Variants in ADAMTS6 observed in about 807,000 individuals in gnomAD.
ADAMTS6 encodes ADAM metallopeptidase with thrombospondin type 1 motif 6.
ADAMTS6 carries 23 observed loss-of-function variants against 144.3 expected under a neutral mutation model. That is an observed-to-expected ratio of 0.16 (90% confidence interval 0.11 to 0.23). The LOEUF (loss-of-function observed/expected upper bound fraction) is 0.23. ADAMTS6 is among the 10% of genes least tolerant of loss of function. The probability of loss-of-function intolerance (pLI) is 1.00; values close to 1 mark genes in which losing one functional copy is unlikely to be tolerated. For missense variants in ADAMTS6, 999 were observed against 1,379.6 expected, an observed-to-expected ratio of 0.72 and a Z score of 4.37; for synonymous variants, 444 against 457.5, an observed-to-expected ratio of 0.97 and a Z score of 0.38.
intron 7 of ADAMTS6, among the ~76,000 whole-genome samples, chr5:65,340,385 C>A (rs1747708769): frequency 6.6e-6 from 1 of 152,058 alleles, no homozygotes; most frequent in Non-Finnish European, 1.5e-5. Context: ...GGAAATCTCA[C>A]ATCTGGAAAT....
intron 7 of ADAMTS6, among the ~76,000 whole-genome samples, chr5:65,446,073 T>C (rs1315313717): frequency 6.6e-6 from 1 of 152,196 alleles, no homozygotes; most frequent in African/African-American, 2.4e-5. Context: ...AAATATATTC[T>C]TTAAAAGCTA....
intron 20 of ADAMTS6, among the ~76,000 whole-genome samples, chr5:65,203,127 C>A (rs969477395): frequency 6.6e-6 from 1 of 152,152 alleles, no homozygotes; most frequent in East Asian, 1.9e-4. Context: ...TGTACCAGTG[C>A]GAGGTACATG....
chr5:65,458,987 C>T (rs974979593), intron 4 of ADAMTS6, among the ~76,000 whole-genome samples: 17 of 151,956 alleles, frequency 1.1e-4, no homozygotes, highest in African/African-American at 4.1e-4. Flanking sequence ...GTTCTTTTTG[C>T]TGTGCTATGT....
intron 11 of ADAMTS6, among the ~76,000 whole-genome samples, chr5:65,287,231 C>T (rs1381223038): frequency 6.6e-6 from 1 of 152,026 alleles, no homozygotes; most frequent in East Asian, 1.9e-4. Context: ...AACTTATGAC[C>T]CTAAAAAATG....
intron 9 of ADAMTS6, among the ~76,000 whole-genome samples, chr5:65,305,717 G>C (rs1434532481): frequency 6.6e-6 from 1 of 152,050 alleles, no homozygotes; most frequent in African/African-American, 2.4e-5. Flanking sequence ...TTTGTGGAGG[G>C]TTTTAGGAAC....
At chr5:65,245,465 A>G (rs1759546204) in intron 14 of ADAMTS6, among the ~76,000 whole-genome samples, 1 of 152,146 alleles carries the variant, frequency 6.6e-6, no homozygotes, top group South Asian at 2.1e-4. Flanking sequence ...CTGGGCTCTG[A>G]CAAAACTACC....
chr5:65,196,552 A>AAAAT (rs1755389941), intron 21 of ADAMTS6, among the ~76,000 whole-genome samples: 1 of 145,868 alleles, frequency 6.9e-6, no homozygotes, highest in East Asian at 2.0e-4. Context: ...AAAAAAAAAA[A>AAAAT]GAGGTCTTTA....
At chr5:65,412,589 A>G (rs1396749826) in intron 7 of ADAMTS6, among the ~76,000 whole-genome samples, 1 of 152,152 alleles carries the variant, frequency 6.6e-6, no homozygotes. Context: ...CACTGATAAC[A>G]TGTCACTACA....
At chr5:65,309,695 T>C (rs1032268645) in intron 9 of ADAMTS6, among the ~76,000 whole-genome samples, 1 of 152,212 alleles carries the variant, frequency 6.6e-6, no homozygotes, top group South Asian at 2.1e-4. Context: ...TTCTACAATT[T>C]GGCAACTGAT....
chr5:65,258,234 T>C (rs1453339645), intron 14 of ADAMTS6, among the ~76,000 whole-genome samples: 1 of 152,012 alleles, frequency 6.6e-6, no homozygotes, highest in Admixed American at 6.6e-5. Flanking sequence ...AAGGTGACAG[T>C]TGAGTAAAGG....
chr5:65,329,722 T>C (rs1442267309), intron 8 of ADAMTS6, among the ~76,000 whole-genome samples: 1 of 152,130 alleles, frequency 6.6e-6, no homozygotes. Flanking sequence ...AGGGGTTAGA[T>C]TTATAAATTT....
intron 4 of ADAMTS6, among the ~76,000 whole-genome samples, chr5:65,456,750 T>C (rs917969102): frequency 3.3e-5 from 5 of 152,192 alleles, no homozygotes; most frequent in African/African-American, 1.2e-4. Context: ...AGAAGAATAC[T>C]TAGTTATCTC....
chr5:65,337,746 T>C (rs1747441924), intron 7 of ADAMTS6, among the ~76,000 whole-genome samples: 1 of 152,180 alleles, frequency 6.6e-6, no homozygotes, highest in South Asian at 2.1e-4. Flanking sequence ...CTTTGCATCA[T>C]ATTCACTCTA....
At chr5:65,352,185 A>G (rs953836997) in intron 7 of ADAMTS6, among the ~76,000 whole-genome samples, 3 of 152,212 alleles carry the variant, frequency 2.0e-5, no homozygotes, top group African/African-American at 7.2e-5. Flanking sequence ...TGATAAAATA[A>G]GAAAAAAGGT....
At position 65,196,386 on chromosome 5, in the gene ADAMTS6, G is replaced by A. The variant is rs561890755; in HGVS notation, c.2705+636C>T. Among the ~76,000 whole-genome samples the A allele has an allele frequency of 2.6e-3, 392 of 151,820 alleles. 1 individual carries two copies. Among genetic ancestry groups the A allele is most frequent in the South Asian group, 6.7e-3 (32 of 4,792 alleles). ...AAATACAAAAAATTTAGCCGGGTGT[G>A]GTGGTGGGCGCCTGTAGTCCCAGGT... On this transcript the variant is annotated intron_variant, in intron 21 of 24. Transcript: ENST00000381055.
intron 7 of ADAMTS6, among the ~76,000 whole-genome samples, chr5:65,375,828 A>G (rs1186141312): frequency 6.6e-6 from 1 of 152,238 alleles, no homozygotes; most frequent in East Asian, 1.9e-4. Flanking sequence ...TTATTACGGC[A>G]TTATTCACAA....
intron 11 of ADAMTS6, among the ~76,000 whole-genome samples, chr5:65,282,829 T>G (rs1407697542): frequency 2.6e-5 from 4 of 152,064 alleles, no homozygotes; most frequent in Non-Finnish European, 4.4e-5. Context: ...CAACTAGATT[T>G]TCAGGTTTAC....
intron 9 of ADAMTS6, among the ~76,000 whole-genome samples, chr5:65,327,575 A>G (rs1432618305): frequency 1.3e-5 from 2 of 152,170 alleles, no homozygotes; most frequent in African/African-American, 2.4e-5. Flanking sequence ...TCCAAGATAC[A>G]TAAAACTTCA....
chr5:65,171,577 T>C (rs1171105857), intron 23 of ADAMTS6, among the ~76,000 whole-genome samples: 1 of 152,204 alleles, frequency 6.6e-6, no homozygotes, highest in Non-Finnish European at 1.5e-5. Context: ...AGGAAATCAC[T>C]ATTGCTCCCT....
Sources: gnomAD v4.1 joint callset for allele counts (sites outside exome capture counted in the v4.1 genomes callset) on GRCh38, gnomAD v4.1.1 for gene constraint, MANE v1.5 for transcripts, NCBI Gene and HGNC (gene_info 2026-07-23, HGNC 2026-07-21) for gene names.